Variants in NFAT5 observed in about 807,000 individuals in gnomAD.
NFAT5 encodes the protein nuclear factor of activated T cells 5, also known as nuclear factor of activated T-cells 5.
In NFAT5, 31 loss-of-function variants were observed where a neutral mutation model predicts 166.5. The observed-to-expected ratio is 0.19, with a 90% confidence interval of 0.14 to 0.25. NFAT5 has a LOEUF of 0.25. Among genes scored for constraint, NFAT5 ranks in the 10% least tolerant of loss-of-function variants. The pLI, the probability that NFAT5 is intolerant of heterozygous loss-of-function variation, is 1.00. For missense variants in NFAT5, 1,449 were observed against 1,821.8 expected, an observed-to-expected ratio of 0.80 and a Z score of 3.72; for synonymous variants, 612 against 639.7, an observed-to-expected ratio of 0.96 and a Z score of 0.65.
At chr16:69,606,076 C>T (rs912655827) in intron 2 of NFAT5, among the ~76,000 whole-genome samples, 5 of 152,160 alleles carry the variant, frequency 3.3e-5, no homozygotes, top group Non-Finnish European at 7.4e-5. Context: ...AAGATAGGTA[C>T]TTACCAGCCC....
chr16:69,689,546 T>G (rs543855006), intron 11 of NFAT5, among the ~76,000 whole-genome samples: 39 of 152,186 alleles, frequency 2.6e-4, no homozygotes, highest in Non-Finnish European at 5.3e-4. Flanking sequence ...ATGAAAATAT[T>G]TACTTTCAGC....
chr16:69,592,112 C>T (rs1046098981), intron 2 of NFAT5, among the ~76,000 whole-genome samples: 1 of 133,200 alleles, frequency 7.5e-6, no homozygotes, highest in South Asian at 2.3e-4. Flanking sequence ...AGGAATCTCA[C>T]TCTGTCACCC....
intron 9 of NFAT5, among the ~76,000 whole-genome samples, chr16:69,676,532 CA>C (rs765914305): frequency 1.3e-5 from 2 of 152,098 alleles, no homozygotes; most frequent in Non-Finnish European, 2.9e-5. Flanking sequence ...ATAATTTATT[CA>C]TTCTTTTATT....
At position 69,659,908 on chromosome 16, in the gene NFAT5, G is replaced by A; in HGVS notation, c.1369+9G>A. On this transcript the variant is annotated intron_variant, in intron 7 of 14. Coordinates refer to ENST00000349945, the MANE Select transcript of NFAT5 (RefSeq NM_138713.4). ...TTCTCCAATTTTGTGTAGTAAGTAA[G>A]AAGATACGGAGATACTAAACATATG... The A allele has an allele frequency of 6.3e-7, 1 of 1,594,062 alleles. No homozygotes were observed. The highest frequency in any genetic ancestry group is 8.6e-7 in the Non-Finnish European group (1 of 1,167,810).
At chr16:69,639,803 G>C (rs2035124505) in intron 3 of NFAT5, among the ~76,000 whole-genome samples, 1 of 151,860 alleles carries the variant, frequency 6.6e-6, no homozygotes, top group Non-Finnish European at 1.5e-5. Flanking sequence ...GGAACAGCCT[G>C]AAAAACACCT....
intron 1 of NFAT5, among the ~76,000 whole-genome samples, chr16:69,567,563 T>A (rs964568401): frequency 1.3e-5 from 2 of 152,230 alleles, no homozygotes; most frequent in African/African-American, 4.8e-5. Context: ...TTCACCTTCC[T>A]ACTAGTGTAT....
At chr16:69,674,241 CAAAAAA>C (rs59975972) in intron 9 of NFAT5, among the ~76,000 whole-genome samples, 1 of 71,358 alleles carries the variant, frequency 1.4e-5, no homozygotes, top group African/African-American at 5.5e-5. Context: ...GAAACTGTCT[CAAAAAA>C]AAAAAAAAAA....
At chr16:69,675,555 T>G (rs909321201) in intron 9 of NFAT5, among the ~76,000 whole-genome samples, 1 of 152,218 alleles carries the variant, frequency 6.6e-6, no homozygotes, top group African/African-American at 2.4e-5. Flanking sequence ...TTCCACCTAG[T>G]TGAAAAGAAT....
intron 2 of NFAT5, among the ~76,000 whole-genome samples, chr16:69,591,652 A>G (rs2032466128): frequency 6.6e-6 from 1 of 152,204 alleles, no homozygotes; most frequent in African/African-American, 2.4e-5. Flanking sequence ...TGTTGAGAAA[A>G]AAAGTTGATT....
At chr16:69,679,934 C>T (rs988430841) in intron 10 of NFAT5, among the ~76,000 whole-genome samples, 5 of 151,864 alleles carry the variant, frequency 3.3e-5, no homozygotes, top group Non-Finnish European at 5.9e-5. Context: ...CTGGCTAACA[C>T]GGTGAAACCC....
At chr16:69,618,807 A>G (rs2034072101) in intron 2 of NFAT5, among the ~76,000 whole-genome samples, 1 of 152,180 alleles carries the variant, frequency 6.6e-6, no homozygotes, top group African/African-American at 2.4e-5. Flanking sequence ...ATTTTTCAGG[A>G]TTATAATGTT....
At chr16:69,659,525 A>G (rs1456928547) in intron 6 of NFAT5, among the ~76,000 whole-genome samples, 1 of 152,194 alleles carries the variant, frequency 6.6e-6, no homozygotes, top group African/African-American at 2.4e-5. Context: ...ATTATTATAA[A>G]CAAAAGATTG....
rs746935061 is a variant in NFAT5 at position 69,626,112 on chromosome 16, T to TA, written c.128-275dup. 2.6e-3 allele frequency among the ~76,000 whole-genome samples: 340 copies of TA among 128,802 alleles called. 1 individual carries two copies. The highest frequency in any genetic ancestry group is 5.8e-3 in the Admixed American group (74 of 12,720). The allele number at this position is 128,802 out of a possible 152,430, so 84.5% of individuals were successfully genotyped here. ...GTGTGCATCACCACGCCTGGCTGAT[T>TA]AAAAAAAAAAAAAAAACCTTTTGTA... On this transcript the variant is annotated intron_variant, in intron 2 of 14. Coordinates refer to ENST00000349945, the MANE Select transcript of NFAT5 (RefSeq NM_138713.4).
rs1190306661 is a variant in NFAT5, at chr16:69,568,346, A to ATATGTGTGTG, written c.74-148_74-147insATGTGTGTGT. On this transcript the variant is annotated intron_variant, in intron 1 of 14. Transcript: ENST00000349945. ...AAAATGTATGTGTGTATATATATAT[A>ATATGTGTGTG]TGTGTGTGTGTGTGTGTGTGTGTGT... The ATATGTGTGTG allele has an allele frequency of 1.1e-3, 194 of 180,596 alleles. 1 individual carries two copies. The highest frequency in any genetic ancestry group is 6.0e-3 in the Middle Eastern group (3 of 504). The allele number at this position is 180,596 out of a possible 1,614,324, so 11.2% of individuals were successfully genotyped here. A position where few individuals can be genotyped will look rare whatever the true frequency, so the allele number is the denominator to read the frequency against.
chr16:69,584,633 A>G (rs74697196), intron 2 of NFAT5, among the ~76,000 whole-genome samples: 36,180 of 151,416 alleles, frequency 0.24, 4,641 homozygotes, highest in East Asian at 0.45. Context: ...TACAAAAAAT[A>G]AAAAAATTAG....
At chr16:69,621,887 C>G (rs1216963136) in intron 2 of NFAT5, among the ~76,000 whole-genome samples, 1 of 152,086 alleles carries the variant, frequency 6.6e-6, no homozygotes, top group Admixed American at 6.6e-5. Flanking sequence ...CTCTTGAGCT[C>G]AGGAGTTGGA....
chr16:69,685,769 G>A (rs1266981556), intron 11 of NFAT5: 2 of 152,404 alleles, frequency 1.3e-5, no homozygotes, highest in Non-Finnish European at 2.9e-5. Context: ...AAACAGGCCA[G>A]GCGCAGTGGC....
rs1287548172 is a variant in NFAT5 at position 69,576,385 on chromosome 16, T to A, written c.127+7837T>A. On this transcript the variant is annotated intron_variant, in intron 2 of 14. Transcript: ENST00000349945. ...CATTGTTCAGATGGTATAAAAAGAA[T>A]AGTTTGTGTAGGATTCTTTACTAAG... 4.6e-5 allele frequency among the ~76,000 whole-genome samples: 7 copies of A among 151,076 alleles called. No homozygotes were observed. The East Asian group carries it at 1.4e-3, about 29-fold the overall frequency.
rs2037645945 is a variant in NFAT5, at chr16:69,693,624, GAACAGCAGCAGCAGCAGC to G, written c.3813_3830del (p.Gln1279_Gln1284del). On this transcript the variant is annotated inframe_deletion, in exon 13 of 15. Coordinates refer to ENST00000349945, the MANE Select transcript of NFAT5 (RefSeq NM_138713.4). Reference sequence around the variant, plus strand: ...CATGCAGAGTAACTCTCCATCCCAGGAACAGCAGCAGCAGCAGCAACAGCAGCAGCAACAGCAGCAGCA... The same window carrying G: ...CATGCAGAGTAACTCTCCATCCCAGGAACAGCAGCAGCAACAGCAGCAGCA... 1 of 1,613,974 alleles carries G rather than the reference GAACAGCAGCAGCAGCAGC, an allele frequency of 6.2e-7. No homozygotes were observed. The highest frequency in any genetic ancestry group is 8.5e-7 in the Non-Finnish European group (1 of 1,180,000).
Sources: allele counts gnomAD v4.1 joint callset (sites outside exome capture counted in the v4.1 genomes callset), GRCh38; gene constraint gnomAD v4.1.1; transcripts MANE v1.5; gene names NCBI Gene and HGNC (gene_info 2026-07-23, HGNC 2026-07-21).